Variants in GABRB3 observed in about 807,000 individuals in gnomAD.
GABRB3 encodes gamma-aminobutyric acid type A receptor subunit beta3.
In GABRB3, 14 loss-of-function variants were observed where a neutral mutation model predicts 52.1. The ratio of observed to expected loss-of-function variants is 0.27; its 90% CI spans 0.18 to 0.42. The LOEUF (loss-of-function observed/expected upper bound fraction) is 0.42, where lower values mean the gene tolerates loss of function less well. Ranked by LOEUF, GABRB3 falls within the 10% of genes least tolerant of loss-of-function variation. The pLI is 1.00. For missense variants in GABRB3, 307 were observed against 609.1 expected (o/e 0.50, Z 5.22); for synonymous variants, 260 against 232.3 (o/e 1.12, Z -1.08).
At chr15:26,679,679 C>G (rs906399028) in intron 3 of GABRB3, among the ~76,000 whole-genome samples, 6 of 151,992 alleles carry the variant, frequency 3.9e-5, no homozygotes, top group Non-Finnish European at 8.8e-5. Context: ...CACAAAAGCC[C>G]AGAGCCAATC....
At chr15:26,608,859 T>G (rs1008167200) in intron 4 of GABRB3, among the ~76,000 whole-genome samples, 4 of 152,080 alleles carry the variant, frequency 2.6e-5, no homozygotes, top group African/African-American at 9.7e-5. Flanking sequence ...GGAATGCAAA[T>G]TAGTGCAGTC....
At chr15:26,622,943 C>T (rs987671453) in intron 3 of GABRB3, among the ~76,000 whole-genome samples, 1 of 152,224 alleles carries the variant, frequency 6.6e-6, no homozygotes. Flanking sequence ...TTTGGAGAGG[C>T]CTTGTCTTCA....
At chr15:26,753,191 T>C (rs542788712) in intron 3 of GABRB3, among the ~76,000 whole-genome samples, 1 of 152,262 alleles carries the variant, frequency 6.6e-6, no homozygotes, top group Admixed American at 6.5e-5. Context: ...TCCTTATTCT[T>C]AGTGTCCCGT....
intron 8 of GABRB3, among the ~76,000 whole-genome samples, chr15:26,551,000 A>G (rs1052387219): frequency 6.6e-6 from 1 of 152,222 alleles, no homozygotes; most frequent in African/African-American, 2.4e-5. Context: ...AAAGGCTTGA[A>G]GAGCACCTGA....
chr15:26,707,266 G>T (rs539005580), intron 3 of GABRB3, among the ~76,000 whole-genome samples: 2 of 152,318 alleles, frequency 1.3e-5, no homozygotes, highest in East Asian at 3.9e-4. Flanking sequence ...TATGGAAGTT[G>T]TGAGGTAAGA....
chr15:26,573,085 GAACT>G (rs1427004995), intron 6 of GABRB3, among the ~76,000 whole-genome samples: 2 of 152,136 alleles, frequency 1.3e-5, no homozygotes, highest in Admixed American at 1.3e-4. Context: ...ATGCATCTGT[GAACT>G]AATAAGCTGG....
chr15:26,732,637 G>A (rs1889962403), intron 3 of GABRB3, among the ~76,000 whole-genome samples: 3 of 150,816 alleles, frequency 2.0e-5, no homozygotes, highest in Admixed American at 6.6e-5. Context: ...GCACTATCTC[G>A]ACTCACTGCA....
chr15:26,700,113 C>T (rs1294862780), intron 3 of GABRB3, among the ~76,000 whole-genome samples: 1 of 151,308 alleles, frequency 6.6e-6, no homozygotes, highest in African/African-American at 2.4e-5. Flanking sequence ...AAAAAACAAA[C>T]AAAACAGAGA....
chr15:26,763,159 G>A (rs1384375284), intron 3 of GABRB3, among the ~76,000 whole-genome samples: 1 of 152,138 alleles, frequency 6.6e-6, no homozygotes, highest in Non-Finnish European at 1.5e-5. Context: ...TTCTTGGAGG[G>A]CACCTGGCAG....
In GABRB3 at chr15:26,772,974, G is replaced by T; in HGVS notation, c.-12C>A. 1 of 1,405,636 alleles carries T rather than the reference G, an allele frequency of 7.1e-7. No homozygotes were observed. Among genetic ancestry groups the T allele is most frequent in the Non-Finnish European group, 9.3e-7 (1 of 1,071,354 alleles). 87.1% of individuals were successfully genotyped at this position (1,405,636 alleles called of 1,614,324 possible). A position where few individuals can be genotyped will look rare whatever the true frequency, so the allele number is the denominator to read the frequency against. On this transcript the variant is annotated 5_prime_UTR_variant, in exon 1 of 9. Coordinates refer to ENST00000311550, the MANE Select transcript of GABRB3 (RefSeq NM_000814.6). ...GCAAGGCCCCACATCCCTCCGCCGC[G>T]CCCCGGCACGGGGGAGGGGGCGCCC...
intron 3 of GABRB3, among the ~76,000 whole-genome samples, chr15:26,631,298 A>G (rs1241096706): frequency 6.6e-6 from 1 of 152,214 alleles, no homozygotes; most frequent in Admixed American, 6.5e-5. Flanking sequence ...TATAAACAAC[A>G]AAGTTTCTTC....
At chr15:26,627,359 T>C (rs1161086229) in intron 3 of GABRB3, among the ~76,000 whole-genome samples, 1 of 55,640 alleles carries the variant, frequency 1.8e-5, no homozygotes, top group Non-Finnish European at 4.9e-5. Context: ...AAGGAGAAAC[T>C]GACTTTCAAG....
intron 3 of GABRB3, among the ~76,000 whole-genome samples, chr15:26,631,071 A>C (rs1054175895): frequency 6.6e-6 from 1 of 152,226 alleles, no homozygotes; most frequent in African/African-American, 2.4e-5. Context: ...AGGCAAGGAA[A>C]GTATTGCTGG....
chr15:26,658,196 C>T (rs1447087761), intron 3 of GABRB3, among the ~76,000 whole-genome samples: 1 of 152,084 alleles, frequency 6.6e-6, no homozygotes, highest in African/African-American at 2.4e-5. Context: ...AGTTTTGGTC[C>T]CTATGATTTC....
intron 3 of GABRB3, among the ~76,000 whole-genome samples, chr15:26,743,295 C>G (rs550013944): frequency 1.1e-4 from 16 of 152,300 alleles, no homozygotes; most frequent in African/African-American, 3.8e-4. Context: ...TGCCTCCCAT[C>G]TCTACTCTTC....
chr15:26,547,871 T>G lies in GABRB3; in HGVS notation c.1344A>C (p.Ile448=). 1 of 1,614,212 alleles carries G rather than the reference T, an allele frequency of 6.2e-7. No individual in the cohort carries two copies. Among genetic ancestry groups the G allele is most frequent in the Non-Finnish European group, 8.5e-7 (1 of 1,180,034 alleles). Residue 448 remains isoleucine (I), a synonymous_variant, in exon 9 of 9, where the codon ATA becomes ATC. Coordinates refer to ENST00000311550, the MANE Select transcript of GABRB3 (RefSeq NM_000814.6). The part of the protein sequence containing the change: ...KIPDLTDVNA[I]DRWSRIVFPF... ...GAAACACGATCCTGGACCATCTGTC[T>G]ATGGCATTCACATCGGTTAGATCAG...
At chr15:26,562,632 C>G (rs901943335) in intron 7 of GABRB3, among the ~76,000 whole-genome samples, 2 of 152,170 alleles carry the variant, frequency 1.3e-5, no homozygotes, top group Non-Finnish European at 1.5e-5. Context: ...ATTTCATGCC[C>G]TCTGATTTCC....
chr15:26,722,993 G>A (rs139376437), intron 3 of GABRB3, among the ~76,000 whole-genome samples: 2 of 152,202 alleles, frequency 1.3e-5, no homozygotes, highest in East Asian at 1.9e-4. Context: ...ATAATAATAC[G>A]AAAGCTCTCA....
At position 26,556,853 on chromosome 15, in the gene GABRB3, A is replaced by T. The variant is rs28420825; in HGVS notation, c.1080+4079T>A. Among the ~76,000 whole-genome samples, 1,329 of 152,250 alleles carry T rather than the reference A, an allele frequency of 8.7e-3. 23 individuals are homozygous for T. Among genetic ancestry groups the T allele is most frequent in the African/African-American group, 0.03 (1,249 of 41,542 alleles). On this transcript the variant is annotated intron_variant, in intron 8 of 8. Coordinates refer to ENST00000311550, the MANE Select transcript of GABRB3 (RefSeq NM_000814.6). ...GTTTTCTCTTGAGATGCCTTACAGG[A>T]CACAGAAAGTGGTCTCAAGAAAGAC...
Sources: gnomAD v4.1 joint callset for allele counts (sites outside exome capture counted in the v4.1 genomes callset) on GRCh38, gnomAD v4.1.1 for gene constraint, MANE v1.5 for transcripts, NCBI Gene and HGNC (gene_info 2026-07-23, HGNC 2026-07-21) for gene names.